The following PSMF1 variants were observed in gnomAD, a reference collection of about 807,000 sequenced individuals.
The protein encoded by PSMF1 is proteasome inhibitor PI31 subunit.
PSMF1 carries 30 observed loss-of-function variants against 29.3 expected under a neutral mutation model. The ratio of observed to expected loss-of-function variants is 1.02; its 90% CI spans 0.77 to 1.39. The LOEUF (loss-of-function observed/expected upper bound fraction) is 1.39, where lower values mean the gene tolerates loss of function less well. Among genes scored for constraint, PSMF1 ranks in the 40% most tolerant of loss-of-function variants. PSMF1 has a pLI of 0.00. For missense variants in PSMF1, 344 were observed against 357.5 expected (o/e 0.96, Z 0.31); for synonymous variants, 134 against 139.7 (o/e 0.96, Z 0.29).
chr20:1,160,962 C>G (rs1414168440), intron 4 of PSMF1: 2 of 430,088 alleles, frequency 4.7e-6, no homozygotes, highest in Non-Finnish European at 9.3e-6. Flanking sequence ...TTGAGACCTT[C>G]AATACCCTGG....
intron 4 of PSMF1, among the ~76,000 whole-genome samples, chr20:1,147,126 T>G (rs74795535): frequency 0.025 from 3,667 of 149,216 alleles, 140 homozygotes; most frequent in African/African-American, 0.085. Context: ...TTATGGACAT[T>G]GTTTCCGTTA....
chr20:1,132,258 T>C (rs1015484058), intron 3 of PSMF1, among the ~76,000 whole-genome samples: 1 of 151,520 alleles, frequency 6.6e-6, no homozygotes, highest in African/African-American at 2.4e-5. Context: ...TTTTTTTCTT[T>C]TTTCTTTCTT....
At chr20:1,144,667 A>G (rs1466647173) in intron 4 of PSMF1, among the ~76,000 whole-genome samples, 3 of 152,240 alleles carry the variant, frequency 2.0e-5, no homozygotes, top group African/African-American at 7.2e-5. Flanking sequence ...GAAAGAAGCC[A>G]TTCCCAAAAG....
At chr20:1,123,489 A>G (rs2086116504) in intron 1 of PSMF1, among the ~76,000 whole-genome samples, 2 of 152,230 alleles carry the variant, frequency 1.3e-5, no homozygotes, top group Admixed American at 1.3e-4. Context: ...CATAAGTGGT[A>G]CTGGAGTGTA....
At chr20:1,157,699 GC>G (rs1178583756) in intron 4 of PSMF1, among the ~76,000 whole-genome samples, 1 of 151,866 alleles carries the variant, frequency 6.6e-6, no homozygotes, top group Non-Finnish European at 1.5e-5. Flanking sequence ...ATTGATGATT[GC>G]CTTCTACTAC....
Position 1,166,145 on chromosome 20 carries a change from G to A in PSMF1, c.*1065G>A, listed in dbSNP as rs963833894. On this transcript the variant is annotated 3_prime_UTR_variant, in exon 7 of 7. Coordinates refer to ENST00000335877, the MANE Select transcript of PSMF1 (RefSeq NM_006814.5). ...AGCATGGGCTGCCTCTGAGTGTGGT[G>A]TTGAACTTCGGGAGGAGCAGGGAGC... The A allele has an allele frequency of 1.3e-6, 2 of 1,579,304 alleles. No individual in the cohort carries two copies. The highest frequency in any genetic ancestry group is 1.7e-6 in the Non-Finnish European group (2 of 1,162,888).
In PSMF1 at chr20:1,133,569, A is replaced by ATATATATATATATATATATATTT; in HGVS notation, c.366-1551_366-1550insATATATATATATATATATATTTT. Among the ~76,000 whole-genome samples the ATATATATATATATATATATATTT allele has an allele frequency of 1.7e-3, 90 of 53,256 alleles. 2 individuals are homozygous for ATATATATATATATATATATATTT. Among genetic ancestry groups the ATATATATATATATATATATATTT allele is most frequent in the East Asian group, 3.7e-3 (12 of 3,224 alleles). The allele number at this position is 53,256 out of a possible 152,430, so 34.9% of individuals were successfully genotyped here. ...TCTATATATGTGTATATATATATATATTTTTTTTTTTTTTTTGGTGTAGTC... is the reference window on the plus strand; with the variant it reads ...TCTATATATGTGTATATATATATATATATATATATATATATATATATTTTTTTTTTTTTTTTTTTGGTGTAGTC... On this transcript the variant is annotated intron_variant, in intron 3 of 6. Coordinates refer to ENST00000335877, the MANE Select transcript of PSMF1 (RefSeq NM_006814.5).
At chr20:1,158,890 C>CT (rs1250352282) in intron 4 of PSMF1, among the ~76,000 whole-genome samples, 1 of 150,322 alleles carries the variant, frequency 6.7e-6, no homozygotes, top group African/African-American at 2.5e-5. Context: ...ACTATTTACT[C>CT]TGAGTTCATA....
intron 4 of PSMF1, chr20:1,161,694 C>T: frequency 1.6e-6 from 1 of 631,486 alleles, no homozygotes; most frequent in South Asian, 1.7e-5. Flanking sequence ...ACAAATGCTT[C>T]TAAATGGACT....
In PSMF1 at chr20:1,170,300, G is replaced by A. The variant is rs919123029; in HGVS notation, c.*5220G>A. ...CATGGACTATGTCTTTTTCCTTTAC[G>A]TGAATATCGAGTACAAAGAATTGAG... On this transcript the variant is annotated 3_prime_UTR_variant, in exon 7 of 7. Coordinates refer to ENST00000335877, the MANE Select transcript of PSMF1 (RefSeq NM_006814.5). Among the ~76,000 whole-genome samples, 1 of 152,096 alleles carries A rather than the reference G, an allele frequency of 6.6e-6. No individual in the cohort carries two copies. Among genetic ancestry groups the A allele is most frequent in the Non-Finnish European group, 1.5e-5 (1 of 68,024 alleles).
intron 4 of PSMF1, among the ~76,000 whole-genome samples, chr20:1,149,258 G>T (rs1396619255): frequency 2.6e-5 from 4 of 152,188 alleles, no homozygotes; most frequent in African/African-American, 9.7e-5. Context: ...AGTAGTTTTT[G>T]TAAGGGTTAG....
Position 1,166,050 on chromosome 20 carries a change from C to G in PSMF1, c.*970C>G. The stretch of plus-strand genomic sequence containing the variant: ...AATGATGGTTCAAGGCCATACTTCC[C>G]TTGAACCTTGTGTGGTTCTTGCCTA... On this transcript the variant is annotated 3_prime_UTR_variant, in exon 7 of 7. Coordinates refer to ENST00000335877, the MANE Select transcript of PSMF1 (RefSeq NM_006814.5). The G allele has an allele frequency of 6.8e-7, 1 of 1,478,886 alleles. No homozygotes were observed. Among genetic ancestry groups the G allele is most frequent in the Non-Finnish European group, 9.0e-7 (1 of 1,111,488 alleles). 91.6% of individuals were successfully genotyped at this position (1,478,886 alleles called of 1,614,324 possible).
intron 3 of PSMF1, among the ~76,000 whole-genome samples, chr20:1,127,784 C>T (rs2086178283): frequency 6.6e-6 from 1 of 152,180 alleles, no homozygotes; most frequent in African/African-American, 2.4e-5. Context: ...CTCATTCAGT[C>T]AGAGCAGACT....
intron 4 of PSMF1, among the ~76,000 whole-genome samples, chr20:1,156,476 T>C (rs778069791): frequency 2.0e-5 from 3 of 152,058 alleles, no homozygotes; most frequent in Non-Finnish European, 4.4e-5. Context: ...ATCAAACTGC[T>C]GAAAAGATTA....
At chr20:1,121,975 G>A (rs188522311) in intron 1 of PSMF1, among the ~76,000 whole-genome samples, 10 of 152,330 alleles carry the variant, frequency 6.6e-5, no homozygotes, top group Admixed American at 6.5e-4. Context: ...GAAATCTAAG[G>A]ATTATGATGA....
chr20:1,135,042 G>T, intron 3 of PSMF1, 79 bp from the exon 4 acceptor site: 1 of 1,479,728 alleles, frequency 6.8e-7, no homozygotes, highest in Non-Finnish European at 9.4e-7. Context: ...CGCCGCCGCC[G>T]CCGTCGTTGC....
At chr20:1,138,831 AAAC>A (rs1229850329) in intron 4 of PSMF1, among the ~76,000 whole-genome samples, 1 of 119,182 alleles carries the variant, frequency 8.4e-6, no homozygotes, top group Admixed American at 9.1e-5. Flanking sequence ...TCTCAAAAAC[AAAC>A]AAAAAAAAAC....
chr20:1,118,714 C>G lies in PSMF1; in HGVS notation c.-60C>G, dbSNP rs942425946. 6.5e-7 allele frequency: 1 copy of G among 1,548,942 alleles called. No homozygotes were observed. The highest frequency in any genetic ancestry group is 8.8e-7 in the Non-Finnish European group (1 of 1,141,082). On this transcript the variant is annotated 5_prime_UTR_variant, in exon 1 of 7. Transcript: ENST00000335877. ...GTTATAGCTACCCCGGCCGCGGAGCCGGCTCACTGCACTACCCCCGCCCCC... is the reference window on the plus strand; with the variant it reads ...GTTATAGCTACCCCGGCCGCGGAGCGGGCTCACTGCACTACCCCCGCCCCC...
chr20:1,131,044 AAG>A (rs2122491201), intron 3 of PSMF1, among the ~76,000 whole-genome samples: 2 of 151,496 alleles, frequency 1.3e-5, no homozygotes, highest in South Asian at 4.2e-4. Flanking sequence ...CCTCTGAGGA[AAG>A]GGGGAAGTGA....
Sources: gnomAD v4.1 joint callset for allele counts (sites outside exome capture counted in the v4.1 genomes callset) on GRCh38, gnomAD v4.1.1 for gene constraint, MANE v1.5 for transcripts, NCBI Gene and HGNC (gene_info 2026-07-23, HGNC 2026-07-21) for gene names.